The following COL5A1 variants were observed in gnomAD, a reference collection of about 807,000 sequenced individuals.
COL5A1 encodes collagen alpha-1(V) chain.
COL5A1 carries 16 observed loss-of-function variants against 263.7 expected under a neutral mutation model. The ratio of observed to expected loss-of-function variants is 0.06; its 90% CI spans 0.04 to 0.09. The LOEUF (loss-of-function observed/expected upper bound fraction) is 0.09, where lower values mean the gene tolerates loss of function less well. COL5A1 is among the 10% of genes least tolerant of loss of function. The probability of loss-of-function intolerance (pLI) is 1.00; values close to 1 mark genes in which losing one functional copy is unlikely to be tolerated. For synonymous variants in COL5A1, 1,012 were observed against 1,004.5 expected, an observed-to-expected ratio of 1.01 and a Z score of -0.14; for missense variants, 2,036 against 2,540.5, an observed-to-expected ratio of 0.80 and a Z score of 4.27.
At position 134,792,450 on chromosome 9, in the gene COL5A1, A is replaced by G. The variant is rs544646933; in HGVS notation, c.2701-2632A>G. Among the ~76,000 whole-genome samples the G allele has an allele frequency of 2.6e-5, 4 of 152,100 alleles. No homozygotes were observed. In the East Asian group the frequency reaches 7.7e-4, roughly 29 times the overall value. On this transcript the variant is annotated intron_variant, in intron 32 of 65. Transcript: ENST00000371817. ...GAATGCAGTGGTGCGATCTCAGCTC[A>G]CTGCAACCTCCACCTCCCAGGCTCA...
chr9:134,747,460 C>T (rs1215533551), intron 11 of COL5A1, among the ~76,000 whole-genome samples: 1 of 152,106 alleles, frequency 6.6e-6, no homozygotes, highest in Non-Finnish European at 1.5e-5. Flanking sequence ...CATTCCCACA[C>T]AAACGTACAC....
rs1564476263 is a variant in COL5A1, at chr9:134,812,780, G to GTGTC, written c.3852+71_3852+72insCTGT. The GTGTC allele has an allele frequency of 5.6e-6, 6 of 1,062,590 alleles. No individual in the cohort carries two copies. The African/African-American group carries it at 8.0e-5, about 14-fold the overall frequency. The allele number at this position is 1,062,590 out of a possible 1,614,324, so 65.8% of individuals were successfully genotyped here. ...GAGGAGTGTGTGTGTGTGTCTGTGTGTGTGTGTCTGTGTGTATGTGTATGT... is the reference window on the plus strand; with the variant it reads ...GAGGAGTGTGTGTGTGTGTCTGTGTGTGTCTGTGTGTCTGTGTGTATGTGTATGT... On this transcript the variant is annotated intron_variant, in intron 48 of 65. Coordinates refer to ENST00000371817, the MANE Select transcript of COL5A1 (RefSeq NM_000093.5).
chr9:134,747,474 C>T lies in COL5A1; in HGVS notation c.1495-3068C>T, dbSNP rs2132673149. Among the ~76,000 whole-genome samples the T allele has an allele frequency of 2.0e-5, 3 of 151,936 alleles. 1 individual carries two copies. In the South Asian group the frequency reaches 6.2e-4, roughly 32 times the overall value. On this transcript the variant is annotated intron_variant, in intron 11 of 65. Coordinates refer to ENST00000371817, the MANE Select transcript of COL5A1 (RefSeq NM_000093.5). ...GCATTCCCACACAAACGTACACATG[C>T]ATACACACATGCATTCACACACATG... is the stretch of plus-strand genomic sequence containing the variant.
intron 1 of COL5A1, among the ~76,000 whole-genome samples, chr9:134,679,461 G>A (rs1832777148): frequency 1.1e-5 from 1 of 89,238 alleles, no homozygotes. Flanking sequence ...GGCACTGCGG[G>A]GCTTCTTAGG....
At chr9:134,707,333 T>C (rs1004286803) in intron 4 of COL5A1, among the ~76,000 whole-genome samples, 1 of 152,220 alleles carries the variant, frequency 6.6e-6, no homozygotes, top group Non-Finnish European at 1.5e-5. Flanking sequence ...TGGCGTCGGC[T>C]CCAAGCTCTA....
intron 53 of COL5A1, 54 bp from the exon 54 acceptor site, chr9:134,817,724 C>T: frequency 5.1e-6 from 8 of 1,561,918 alleles, no homozygotes; most frequent in Middle Eastern, 1.7e-4. Flanking sequence ...CCGAGCTCGT[C>T]CCTCCACCCC....
chr9:134,738,116 T>C (rs916909130), intron 9 of COL5A1, among the ~76,000 whole-genome samples: 5 of 152,126 alleles, frequency 3.3e-5, no homozygotes, highest in Non-Finnish European at 7.4e-5. Flanking sequence ...CGAGTGGCTT[T>C]GGCCTGGCGG....
intron 1 of COL5A1, among the ~76,000 whole-genome samples, chr9:134,654,545 GGGTGTGTGTAGGGCT>G: frequency 8.4e-6 from 1 of 118,804 alleles, no homozygotes; most frequent in East Asian, 2.8e-4. Flanking sequence ...GTGTAGGGCT[GGGTGTGTGTAGGGCT>G]GGGTGTGTGT....
chr9:134,744,190 C>T (rs529610899), intron 11 of COL5A1, among the ~76,000 whole-genome samples: 6 of 152,320 alleles, frequency 3.9e-5, no homozygotes, highest in African/African-American at 1.4e-4. Flanking sequence ...GGATGGGACA[C>T]GCCAATCCAG....
At chr9:134,769,415 C>T (rs1378111988) in intron 25 of COL5A1, among the ~76,000 whole-genome samples, 1 of 152,226 alleles carries the variant, frequency 6.6e-6, no homozygotes, top group Non-Finnish European at 1.5e-5. Context: ...AGTGGTTCAT[C>T]TTTTCCAATG....
Position 134,755,513 on chromosome 9 carries a change from G to C in COL5A1, c.1827+1187G>C, listed in dbSNP as rs61566377. Among the ~76,000 whole-genome samples the C allele has an allele frequency of 0.16, 24,454 of 152,210 alleles. 2,196 individuals are homozygous for C. Among genetic ancestry groups the C allele is most frequent in the East Asian group, 0.35 (1,784 of 5,168 alleles). On this transcript the variant is annotated intron_variant, in intron 16 of 65. Coordinates refer to ENST00000371817, the MANE Select transcript of COL5A1 (RefSeq NM_000093.5). The surrounding 1 kb of genome is among the most constrained non-coding windows in gnomAD (Gnocchi z 4.1). The stretch of plus-strand genomic sequence containing the variant: ...TGGTGAGAGAGGGGCTTGGAGCTGA[G>C]GGGTCGATTCCAAAGTGGTCTGAGC...
At chr9:134,797,222 A>G (rs1458105151) in intron 36 of COL5A1, among the ~76,000 whole-genome samples, 7 of 152,268 alleles carry the variant, frequency 4.6e-5, no homozygotes, top group Non-Finnish European at 7.3e-5. Flanking sequence ...TGGGGCCGCC[A>G]TCACAAATGA....
intron 1 of COL5A1, among the ~76,000 whole-genome samples, chr9:134,673,127 A>G (rs1236642511): frequency 6.6e-6 from 1 of 152,234 alleles, no homozygotes; most frequent in African/African-American, 2.4e-5. Flanking sequence ...GTCAATTAAA[A>G]TCCCAGCAGG....
At chr9:134,704,775 C>G (rs1159769749) in intron 4 of COL5A1, among the ~76,000 whole-genome samples, 1 of 144,226 alleles carries the variant, frequency 6.9e-6, no homozygotes, top group African/African-American at 2.5e-5. Context: ...ATGCCTTCAG[C>G]TGCCCCAAGC....
intron 1 of COL5A1, among the ~76,000 whole-genome samples, chr9:134,675,975 C>T (rs1469035750): frequency 1.3e-5 from 2 of 152,190 alleles, no homozygotes; most frequent in African/African-American, 4.8e-5. Flanking sequence ...ATAGACCCCA[C>T]CCCTTGATGG....
At chr9:134,776,145 G>C (rs553224033) in intron 27 of COL5A1, among the ~76,000 whole-genome samples, 12 of 152,260 alleles carry the variant, frequency 7.9e-5, no homozygotes, top group Admixed American at 7.8e-4. Flanking sequence ...ATTGAAGAGA[G>C]ACCTCCCAAC....
chr9:134,830,324 G>C, intron 64 of COL5A1: 1 of 781,856 alleles, frequency 1.3e-6, no homozygotes, highest in Admixed American at 2.3e-5. Context: ...GACTCAGCTA[G>C]GTGTGGAGTC....
chr9:134,691,144 G>A (rs1220376197), intron 2 of COL5A1, 65 bp downstream of exon 2: 2 of 1,601,726 alleles, frequency 1.2e-6, no homozygotes, highest in Non-Finnish European at 8.5e-7. Flanking sequence ...CCAGCCAGGA[G>A]CAGCGCTCAA....
At chr9:134,797,935 A>T (rs1837971826) in intron 36 of COL5A1, among the ~76,000 whole-genome samples, 1 of 152,202 alleles carries the variant, frequency 6.6e-6, no homozygotes. Context: ...GAGCTTCCAC[A>T]TGTCCTTTTT....
Sources: allele counts gnomAD v4.1 joint callset (sites outside exome capture counted in the v4.1 genomes callset), GRCh38; gene constraint gnomAD v4.1.1; non-coding constraint Gnocchi (gnomAD v3.1); transcripts MANE v1.5; gene names NCBI Gene and HGNC (gene_info 2026-07-23, HGNC 2026-07-21).